Variants in MTMR12 observed in about 807,000 individuals in gnomAD.
The protein encoded by MTMR12 is myotubularin-related protein 12.
In MTMR12, 33 loss-of-function variants were observed where a neutral mutation model predicts 96.7. The ratio of observed to expected loss-of-function variants is 0.34; its 90% CI spans 0.26 to 0.46. The LOEUF (loss-of-function observed/expected upper bound fraction) is 0.46, where lower values mean the gene tolerates loss of function less well. Ranked by LOEUF, MTMR12 falls within the 20% of genes least tolerant of loss-of-function variation. The pLI, the probability that MTMR12 is intolerant of heterozygous loss-of-function variation, is 1.00. For missense variants in MTMR12, 721 were observed against 896.1 expected (o/e 0.80, Z 2.49); for synonymous variants, 298 against 327.2 (o/e 0.91, Z 0.96).
Position 32,242,827 on chromosome 5 carries a change from G to C in MTMR12, c.1100+694C>G, listed in dbSNP as rs553699946. 2.6e-5 allele frequency among the ~76,000 whole-genome samples: 4 copies of C among 152,136 alleles called. No individual in the cohort carries two copies. The South Asian group carries it at 8.3e-4, about 32-fold the overall frequency. The stretch of plus-strand genomic sequence containing the variant: ...CAAATTATGAGACGTGTAGCAGGAT[G>C]TCTGGAGCACAGTTCAGTGTCTGGA... On this transcript the variant is annotated intron_variant, in intron 11 of 15. Coordinates refer to ENST00000382142, the MANE Select transcript of MTMR12 (RefSeq NM_001040446.3).
At chr5:32,280,330 G>A (rs1750244892) in intron 1 of MTMR12, among the ~76,000 whole-genome samples, 1 of 152,134 alleles carries the variant, frequency 6.6e-6, no homozygotes, top group Non-Finnish European at 1.5e-5. Flanking sequence ...TCCAGCCAGA[G>A]GGACAAACTC....
chr5:32,229,662 T>G lies in MTMR12; in HGVS notation c.*116A>C. ...TCTTTTCCCGAAGGCCCAGGTTTAT[T>G]CTAACGGAGTGCCGGGCTAAGGACC... On this transcript the variant is annotated 3_prime_UTR_variant, in exon 16 of 16. Transcript: ENST00000382142. 1 of 984,018 alleles carries G rather than the reference T, an allele frequency of 1.0e-6. No homozygotes were observed. The highest frequency in any genetic ancestry group is 1.4e-6 in the Non-Finnish European group (1 of 712,124). The allele number at this position is 984,018 out of a possible 1,614,324, so 61.0% of individuals were successfully genotyped here. A position where few individuals can be genotyped will look rare whatever the true frequency, so the allele number is the denominator to read the frequency against.
At position 32,230,068 on chromosome 5, in the gene MTMR12, T is replaced by G; in HGVS notation, c.1954A>C (p.Ile652Leu). Residue 652 changes from isoleucine to leucine, a missense_variant, in exon 16 of 16, where the codon ATC becomes CTC. Physicochemically the swap from Ile to Leu is conservative, Grantham distance 5. Coordinates refer to ENST00000382142, the MANE Select transcript of MTMR12 (RefSeq NM_001040446.3). Reference protein sequence around the residue: ...RYLRWIPEAQILGGGQVATLS... With the variant: ...RYLRWIPEAQLLGGGQVATLS... ...GTGGCCACTTGGCCACCACCTAGGA[T>G]TTGGGCTTCTGGAATCCAACGTAGG... 6.2e-7 allele frequency: 1 copy of G among 1,613,100 alleles called. No individual in the cohort carries two copies. The highest frequency in any genetic ancestry group is 8.5e-7 in the Non-Finnish European group (1 of 1,179,222).
At chr5:32,289,379 C>A (rs1320292569) in intron 1 of MTMR12, among the ~76,000 whole-genome samples, 4 of 152,180 alleles carry the variant, frequency 2.6e-5, no homozygotes, top group Non-Finnish European at 5.9e-5. Context: ...GACCCAGAAC[C>A]CCTTGAAGGA....
intron 10 of MTMR12, among the ~76,000 whole-genome samples, chr5:32,246,016 T>C (rs1748665289): frequency 6.6e-6 from 1 of 152,164 alleles, no homozygotes; most frequent in Non-Finnish European, 1.5e-5. Context: ...GTCTTCAGGA[T>C]TGTACTGGCA....
At chr5:32,247,159 G>C (rs1260553917) in intron 10 of MTMR12, among the ~76,000 whole-genome samples, 1 of 152,128 alleles carries the variant, frequency 6.6e-6, no homozygotes, top group Non-Finnish European at 1.5e-5. Flanking sequence ...AGATCAGTCT[G>C]GGCAACATGA....
intron 10 of MTMR12, among the ~76,000 whole-genome samples, chr5:32,244,771 G>C (rs1314991396): frequency 6.6e-6 from 1 of 152,140 alleles, no homozygotes; most frequent in Non-Finnish European, 1.5e-5. Flanking sequence ...AAGAATATAA[G>C]CTCTTGGTGT....
At chr5:32,268,563 C>T in intron 6 of MTMR12, 138 bp downstream of exon 6, 1 of 530,942 alleles carries the variant, frequency 1.9e-6, no homozygotes, top group African/African-American at 1.9e-5. Flanking sequence ...AAATGAATCA[C>T]TCAAGCAAGG....
intron 6 of MTMR12, among the ~76,000 whole-genome samples, chr5:32,265,429 A>G (rs1749551320): frequency 6.6e-6 from 1 of 152,238 alleles, no homozygotes; most frequent in African/African-American, 2.4e-5. Context: ...AAAGTGTCCT[A>G]TGCTGGGTAC....
intron 1 of MTMR12, among the ~76,000 whole-genome samples, chr5:32,291,253 A>G (rs1379938887): frequency 3.3e-5 from 5 of 152,228 alleles, no homozygotes. Flanking sequence ...GTAGCACTAC[A>G]GATCCTTTCT....
chr5:32,234,769 A>G (rs1421779077), intron 14 of MTMR12, 193 bp downstream of exon 14: 1 of 482,308 alleles, frequency 2.1e-6, no homozygotes, highest in Non-Finnish European at 3.6e-6. Context: ...TCTTTTTTAA[A>G]ATATGGAACG....
chr5:32,282,834 A>G (rs567452815), intron 1 of MTMR12, among the ~76,000 whole-genome samples: 3 of 152,378 alleles, frequency 2.0e-5, no homozygotes, highest in Admixed American at 6.5e-5. Flanking sequence ...CTTCATCCCT[A>G]TATTTCACAA....
intron 8 of MTMR12, among the ~76,000 whole-genome samples, chr5:32,250,787 C>T (rs1748886106): frequency 6.6e-6 from 1 of 152,066 alleles, no homozygotes; most frequent in East Asian, 1.9e-4. Context: ...TCATAACTGT[C>T]TCATCTCATC....
intron 1 of MTMR12, among the ~76,000 whole-genome samples, chr5:32,311,461 G>A (rs1025792908): frequency 2.0e-5 from 3 of 152,182 alleles, no homozygotes; most frequent in Admixed American, 6.5e-5. Context: ...GGCCCCAGGT[G>A]GTCTTTACGG....
chr5:32,230,743 T>C (rs1747963285), intron 15 of MTMR12, among the ~76,000 whole-genome samples: 1 of 152,088 alleles, frequency 6.6e-6, no homozygotes, highest in Non-Finnish European at 1.5e-5. Context: ...ATTCATGTTC[T>C]AAAGGGAAAA....
chr5:32,247,469 C>T (rs1358118347), intron 10 of MTMR12, among the ~76,000 whole-genome samples: 1 of 152,166 alleles, frequency 6.6e-6, no homozygotes, highest in African/African-American at 2.4e-5. Flanking sequence ...AAATATGAGG[C>T]ACCAGTAGGC....
intron 1 of MTMR12, among the ~76,000 whole-genome samples, chr5:32,305,629 C>A (rs79572998): frequency 1.3e-5 from 2 of 152,044 alleles, no homozygotes; most frequent in African/African-American, 4.8e-5. Flanking sequence ...CGCGGCCGGG[C>A]GCGATGGCTC....
intron 1 of MTMR12, among the ~76,000 whole-genome samples, chr5:32,292,766 AAC>A (rs201021486): frequency 6.7e-6 from 1 of 148,720 alleles, no homozygotes; most frequent in Admixed American, 6.7e-5. Context: ...AGGGAAAAAA[AAC>A]CACGACCTGC....
At chr5:32,302,359 A>C (rs1404178412) in intron 1 of MTMR12, among the ~76,000 whole-genome samples, 1 of 152,244 alleles carries the variant, frequency 6.6e-6, no homozygotes, top group Admixed American at 6.5e-5. Flanking sequence ...CTCATATCTT[A>C]AATGAACCAC....
Sources: allele counts gnomAD v4.1 joint callset (sites outside exome capture counted in the v4.1 genomes callset), GRCh38; gene constraint gnomAD v4.1.1; transcripts MANE v1.5; gene names NCBI Gene and HGNC (gene_info 2026-07-23, HGNC 2026-07-21).